Variants in GIMD1 observed in about 807,000 individuals in gnomAD.
GIMD1 encodes GIMAP family P-loop NTPase domain containing 1, also known as GTPase IMAP family member GIMD1.
GIMD1 carries 14 observed loss-of-function variants against 14.9 expected under a neutral mutation model. The ratio of observed to expected loss-of-function variants is 0.94; its 90% CI spans 0.62 to 1.47. The LOEUF is 1.47. GIMD1 is among the 40% of genes most tolerant of loss of function. The pLI is 0.00. For synonymous variants in GIMD1, 91 were observed against 90.5 expected (o/e 1.01, Z -0.03); for missense variants, 272 against 255.3 (o/e 1.07, Z -0.44).
chr4:106,367,419 T>C lies in GIMD1; in HGVS notation c.17A>G (p.Lys6Arg). 9 of 1,533,628 alleles carry C rather than the reference T, an allele frequency of 5.9e-6. No individual in the cohort carries two copies. Among genetic ancestry groups the C allele is most frequent in the Non-Finnish European group, 7.9e-6 (9 of 1,145,298 alleles). The stretch of plus-strand genomic sequence containing the variant: ...AAAGAGGGCCAAGTTGATGATCATC[T>C]TGTTGGGGTCTGTCATGGCTGTAGG... MTDPNKMIINLALFGM... is the reference protein window; with the variant it reads MTDPNRMIINLALFGM... Residue 6 changes from lysine to arginine, a missense_variant, in exon 2 of 3, where the codon AAG (lysine) becomes AGG (arginine). Lys to Arg is a conservative substitution (Grantham distance 26). Coordinates refer to ENST00000638719, the MANE Select transcript of GIMD1 (RefSeq NM_001195138.2).
chr4:106,367,549 C>T (rs1467148784), intron 1 of GIMD1, 112 bp from the exon 2 acceptor site: 5 of 1,050,840 alleles, frequency 4.8e-6, no homozygotes, highest in Non-Finnish European at 2.7e-6. Context: ...TTTGTTTTCC[C>T]TTCATTCGTA....
intron 2 of GIMD1, among the ~76,000 whole-genome samples, chr4:106,365,674 C>T (rs1770686701): frequency 1.3e-5 from 2 of 152,058 alleles, no homozygotes. Flanking sequence ...AGCTCAGTGA[C>T]TCATTGAGGC....
At chr4:106,366,485 T>C (rs1770700656) in intron 2 of GIMD1, among the ~76,000 whole-genome samples, 1 of 152,148 alleles carries the variant, frequency 6.6e-6, no homozygotes, top group Non-Finnish European at 1.5e-5. Context: ...AGCACCCATT[T>C]CCTGGTGAAC....
At chr4:106,364,550 CACAA>C (rs1770666390) in intron 2 of GIMD1, among the ~76,000 whole-genome samples, 1 of 152,150 alleles carries the variant, frequency 6.6e-6, no homozygotes, top group Non-Finnish European at 1.5e-5. Context: ...TCAGGAAGAT[CACAA>C]ACAGCCAGCC....
chr4:106,365,533 A>G (rs1270481219), intron 2 of GIMD1, among the ~76,000 whole-genome samples: 3 of 152,170 alleles, frequency 2.0e-5, no homozygotes, highest in Non-Finnish European at 4.4e-5. Context: ...AACAGGGCCT[A>G]TGTCAGTATG....
chr4:106,366,821 G>C (rs1296544966), intron 2 of GIMD1, among the ~76,000 whole-genome samples: 1 of 151,420 alleles, frequency 6.6e-6, no homozygotes, highest in Non-Finnish European at 1.5e-5. Flanking sequence ...TGACTGATTG[G>C]GTTCCTCTGA....
intron 2 of GIMD1, among the ~76,000 whole-genome samples, chr4:106,360,610 C>G (rs1218410760): frequency 6.6e-6 from 1 of 151,994 alleles, no homozygotes; most frequent in African/African-American, 2.4e-5. Flanking sequence ...ATCCCCAGTT[C>G]TTCCGGATGT....
chr4:106,366,416 C>T (rs1451678130), intron 2 of GIMD1, among the ~76,000 whole-genome samples: 2 of 152,048 alleles, frequency 1.3e-5, no homozygotes, highest in African/African-American at 4.8e-5. Context: ...TCTCATTTAC[C>T]AGTAATTAAG....
Position 106,367,337 on chromosome 4 carries a change from G to A in GIMD1, c.99C>T (p.Asp33=). 6.5e-7 allele frequency: 1 copy of A among 1,536,030 alleles called. No individual in the cohort carries two copies. Among genetic ancestry groups the A allele is most frequent in the South Asian group, 1.2e-5 (1 of 84,058 alleles). ...AACAGGGAGCAAAGCTGCTGTGAAA[G>A]TCTGTGCTTCCCAGCAGAATGTTTC... ...SAGNILLGST[D]FHSSFAPCSV... The change falls in exon 2 of 3, where the codon GAC becomes GAT. Residue 33 remains aspartate (D), a synonymous_variant. Coordinates refer to ENST00000638719, the MANE Select transcript of GIMD1 (RefSeq NM_001195138.2).
chr4:106,357,484 T>G lies in GIMD1; in HGVS notation c.*699A>C, dbSNP rs1770547051. 6.6e-6 allele frequency: 1 copy of G among 152,072 alleles called. No individual in the cohort carries two copies. The highest frequency in any genetic ancestry group is 2.4e-5 in the African/African-American group (1 of 41,434). The allele number at this position is 152,072 out of a possible 1,614,324, so 9.4% of individuals were successfully genotyped here. A position where few individuals can be genotyped will look rare whatever the true frequency, so the allele number is the denominator to read the frequency against. ...AATCACAAGTGTTTGTTGTTGCATTTTCACAAAGTGAACAAATCCTGTGAA... is the reference window on the plus strand; with the variant it reads ...AATCACAAGTGTTTGTTGTTGCATTGTCACAAAGTGAACAAATCCTGTGAA... On this transcript the variant is annotated 3_prime_UTR_variant, in exon 3 of 3. Coordinates refer to ENST00000638719, the MANE Select transcript of GIMD1 (RefSeq NM_001195138.2).
intron 2 of GIMD1, among the ~76,000 whole-genome samples, chr4:106,363,525 T>C (rs571588892): frequency 6.6e-6 from 1 of 152,244 alleles, no homozygotes; most frequent in East Asian, 1.9e-4. Context: ...CTTTACCATT[T>C]TCTGTGACCT....
At chr4:106,366,955 TAATATTA>T (rs1770710957) in intron 2 of GIMD1, 81 bp downstream of exon 2, 2 of 349,940 alleles carry the variant, frequency 5.7e-6, no homozygotes, top group African/African-American at 4.4e-5. Context: ...ATAATAATAA[TAATATTA>T]TTATTATTAT....
intron 2 of GIMD1, among the ~76,000 whole-genome samples, chr4:106,364,827 C>A (rs530395399): frequency 6.6e-6 from 1 of 152,092 alleles, no homozygotes; most frequent in Non-Finnish European, 1.5e-5. Context: ...TTGTTTTAAA[C>A]GACCAAAGAC....
chr4:106,367,237 C>A lies in GIMD1; in HGVS notation c.199G>T (p.Ala67Ser), dbSNP rs1471227810. Reference sequence around the variant, plus strand: ...GTGTCCAACACCTGGACCTGCAGGGCTACCTCTAGCCCACCTCGACGCATG... The same window carrying A: ...GTGTCCAACACCTGGACCTGCAGGGATACCTCTAGCCCACCTCGACGCATG... ...SFMRRGGLEVALQVQVLDTPG... is the reference protein window; with the variant it reads ...SFMRRGGLEVSLQVQVLDTPG... Residue 67 changes from alanine to serine, a missense_variant, in exon 2 of 3, where the codon GCC becomes TCC. Physicochemically the swap from Ala to Ser is moderately conservative, Grantham distance 99. Coordinates refer to ENST00000638719, the MANE Select transcript of GIMD1 (RefSeq NM_001195138.2). 6.5e-7 allele frequency: 1 copy of A among 1,535,906 alleles called. No individual in the cohort carries two copies. Among genetic ancestry groups the A allele is most frequent in the Non-Finnish European group, 8.7e-7 (1 of 1,146,806 alleles).
rs1446289188 is a variant in GIMD1 at position 106,358,442 on chromosome 4, T to A, written c.395A>T (p.Glu132Val). The A allele has an allele frequency of 6.6e-6, 10 of 1,504,150 alleles. No homozygotes were observed. The highest frequency in any genetic ancestry group is 8.8e-6 in the Non-Finnish European group (10 of 1,137,222). The allele number at this position is 1,504,150 out of a possible 1,614,324, so 93.2% of individuals were successfully genotyped here. ...EVTDPVQMIQ[E>V]LLGHAWMNYT... is the part of the protein sequence containing the mutation. ...ATTCATCCAAGCATGTCCAAGAAGT[T>A]CCTGAAAGAGAGAAGTTAGATAACT... The change falls in exon 3 of 3, where the codon GAA (glutamate) becomes GTA (valine). Residue 132 changes from glutamate to valine, a missense_variant and splice_region_variant. Physicochemically the swap from Glu to Val is moderately radical, Grantham distance 121 (BLOSUM62 -2). Coordinates refer to ENST00000638719, the MANE Select transcript of GIMD1 (RefSeq NM_001195138.2).
rs1770745670 is a variant in GIMD1, at chr4:106,368,752, C to T, written c.-45G>A. On this transcript the variant is annotated 5_prime_UTR_variant, in exon 1 of 3. Transcript: ENST00000638719. Reference sequence around the variant, plus strand: ...ATGCTTTCTCCACAAAGACGTCTCTCGCCCTGGCACAGTTGTTCTTTCATA... The same window carrying T: ...ATGCTTTCTCCACAAAGACGTCTCTTGCCCTGGCACAGTTGTTCTTTCATA... 2.5e-6 allele frequency: 1 copy of T among 398,506 alleles called. No individual in the cohort carries two copies. The highest frequency in any genetic ancestry group is 1.3e-4 in the South Asian group (1 of 7,858). 24.7% of individuals were successfully genotyped at this position (398,506 alleles called of 1,614,324 possible). A position where few individuals can be genotyped will look rare whatever the true frequency, so the allele number is the denominator to read the frequency against.
intron 1 of GIMD1, among the ~76,000 whole-genome samples, chr4:106,368,214 G>A (rs1453653435): frequency 2.0e-5 from 3 of 152,082 alleles, no homozygotes; most frequent in Non-Finnish European, 4.4e-5. Flanking sequence ...GAAGGGGGGA[G>A]AATCTTGGGA....
At chr4:106,362,406 A>G (rs1770626467) in intron 2 of GIMD1, among the ~76,000 whole-genome samples, 1 of 152,144 alleles carries the variant, frequency 6.6e-6, no homozygotes, top group African/African-American at 2.4e-5. Context: ...AAGCAAGATA[A>G]GTTAATGTAA....
At chr4:106,360,483 T>C (rs911174870) in intron 2 of GIMD1, among the ~76,000 whole-genome samples, 4 of 152,048 alleles carry the variant, frequency 2.6e-5, no homozygotes, top group Non-Finnish European at 5.9e-5. Flanking sequence ...TGTTGTATAT[T>C]CTGTATATTG....
Sources: gnomAD v4.1 joint callset for allele counts (sites outside exome capture counted in the v4.1 genomes callset) on GRCh38, gnomAD v4.1.1 for gene constraint, MANE v1.5 for transcripts, NCBI Gene and HGNC (gene_info 2026-07-23, HGNC 2026-07-21) for gene names.